PRSS50: variants seen among roughly 807,000 people sequenced by gnomAD.
PRSS50 encodes the protein probable threonine protease PRSS50.
In PRSS50, 23 loss-of-function variants were observed where a neutral mutation model predicts 34.2. The ratio of observed to expected loss-of-function variants is 0.67; its 90% CI spans 0.48 to 0.95. The LOEUF (loss-of-function observed/expected upper bound fraction) is 0.95. Ranked by LOEUF, PRSS50 falls within the 40% of genes least tolerant of loss-of-function variation. The probability of loss-of-function intolerance (pLI) is 0.00; values close to 1 mark genes in which losing one functional copy is unlikely to be tolerated. For missense variants in PRSS50, 484 were observed against 513.4 expected, an observed-to-expected ratio of 0.94 and a Z score of 0.55; for synonymous variants, 224 against 211.2, an observed-to-expected ratio of 1.06 and a Z score of -0.53.
At position 46,712,391 on chromosome 3, in the gene PRSS50, T is replaced by C; in HGVS notation, c.1013A>G (p.Glu338Gly). The change falls in exon 6 of 6, where the codon GAG becomes GGG. Residue 338 changes from glutamate to glycine, a missense_variant. Glu to Gly is a moderately conservative substitution (Grantham distance 98). Transcript: ENST00000315170. ...GACCTGTAGGTAGATGGGTGGGGCC[T>C]CGCTCTTCTGGCAGCCTGCACCCCA... ...VSWGAGCQKS[E>G]APPIYLQVSS... The C allele has an allele frequency of 1.9e-6, 3 of 1,613,956 alleles. No homozygotes were observed. The highest frequency in any genetic ancestry group is 2.5e-6 in the Non-Finnish European group (3 of 1,179,956).
At position 46,717,706 on chromosome 3, in the gene PRSS50, G is replaced by T; in HGVS notation, c.106+13C>A. The T allele has an allele frequency of 6.3e-7, 1 of 1,597,746 alleles. No homozygotes were observed. The highest frequency in any genetic ancestry group is 2.3e-5 in the East Asian group (1 of 43,968). On this transcript the variant is annotated intron_variant, in intron 1 of 5. Transcript: ENST00000315170. The surrounding 1 kb of genome is among the most constrained non-coding windows in gnomAD (Gnocchi z 4.5). ...GCGTCAGGCGGGTGGGGTAGGGATC[G>T]GGAGGGACTCACCTGCAGACCTCAG...
In PRSS50 at chr3:46,713,227, C is replaced by G. The variant is rs1176836005; in HGVS notation, c.755-160G>C. Among the ~76,000 whole-genome samples, 4 of 152,222 alleles carry G rather than the reference C, an allele frequency of 2.6e-5. No homozygotes were observed. In the East Asian group the frequency reaches 5.8e-4, roughly 22 times the overall value. On this transcript the variant is annotated intron_variant, in intron 4 of 5. Coordinates refer to ENST00000315170, the MANE Select transcript of PRSS50 (RefSeq NM_013270.5). The stretch of plus-strand genomic sequence containing the variant: ...CCATACCCATCTAGGGCCCTCAACA[C>G]AGAGCCCCCGGAGCAGAGTACCCCC...
intron 4 of PRSS50, 27 bp from the exon 5 acceptor site, chr3:46,713,094 C>T: frequency 6.2e-7 from 1 of 1,610,720 alleles, no homozygotes; most frequent in Middle Eastern, 1.7e-4. Flanking sequence ...CATTTAGGCG[C>T]AGCCACTCAC....
chr3:46,713,325 C>T (rs1700642690), intron 4 of PRSS50, among the ~76,000 whole-genome samples: 1 of 152,246 alleles, frequency 6.6e-6, no homozygotes, highest in African/African-American at 2.4e-5. Context: ...ACCACCTCCA[C>T]CACACTCGGC....
chr3:46,715,863 C>T lies in PRSS50; in HGVS notation c.308-166G>A, dbSNP rs1559498978. Among the ~76,000 whole-genome samples, 2 of 152,180 alleles carry T rather than the reference C, an allele frequency of 1.3e-5. No homozygotes were observed. Among genetic ancestry groups the T allele is most frequent in the South Asian group, 2.1e-4 (1 of 4,828 alleles). On this transcript the variant is annotated intron_variant, in intron 2 of 5. Transcript: ENST00000315170. The surrounding 1 kb of genome is among the most constrained non-coding windows in gnomAD (Gnocchi z 5.2). ...GCTGTCCACATGTGGACTGGAGTCTCATGCCTCAGAAGGGTCCAAGCACTG... is the reference window on the plus strand; with the variant it reads ...GCTGTCCACATGTGGACTGGAGTCTTATGCCTCAGAAGGGTCCAAGCACTG...
At chr3:46,714,618 C>T (rs1468164849) in intron 3 of PRSS50, 117 bp from the exon 4 acceptor site, 8 of 1,175,298 alleles carry the variant, frequency 6.8e-6, no homozygotes, top group African/African-American at 3.1e-5. Context: ...GCCACCCACC[C>T]GCTTCAAGCC....
chr3:46,715,657 G>A lies in PRSS50; in HGVS notation c.348C>T (p.Asp116=). ...FSYEQDPTLR[D]PEAVARRWPW... is the part of the protein sequence containing the mutation. ...GCCACCGCCGAGCCACGGCTTCTGG[G>A]TCCCTGAGGGTGGGGTCCTGCTCGT... is the stretch of plus-strand genomic sequence containing the variant. The change falls in exon 3 of 6, where the codon GAC becomes GAT. Residue 116 remains aspartate, a synonymous_variant. Coordinates refer to ENST00000315170, the MANE Select transcript of PRSS50 (RefSeq NM_013270.5). The surrounding 1 kb of genome is among the most constrained non-coding windows in gnomAD (Gnocchi z 5.2). 1 of 1,610,768 alleles carries A rather than the reference G, an allele frequency of 6.2e-7. No individual in the cohort carries two copies.
In PRSS50 at chr3:46,715,249, C is replaced by A. The variant is rs1700664328; in HGVS notation, c.470+286G>T. On this transcript the variant is annotated intron_variant, in intron 3 of 5. Coordinates refer to ENST00000315170, the MANE Select transcript of PRSS50 (RefSeq NM_013270.5). This position sits in a 1 kb window ranked among gnomAD's most constrained non-coding sequence, Gnocchi z 5.2. The stretch of plus-strand genomic sequence containing the variant: ...GAAATGAAAGAACTAGGAGCTTCTT[C>A]CCGTGGAGAGGAGGCATGAGGCCAG... Among the ~76,000 whole-genome samples, 1 of 152,226 alleles carries A rather than the reference C, an allele frequency of 6.6e-6. No homozygotes were observed. Among genetic ancestry groups the A allele is most frequent in the South Asian group, 2.1e-4 (1 of 4,830 alleles).
In PRSS50 at chr3:46,714,349, C is replaced by T. The variant is rs1700653828; in HGVS notation, c.623G>A (p.Gly208Asp). 1 of 1,613,928 alleles carries T rather than the reference C, an allele frequency of 6.2e-7. No individual in the cohort carries two copies. The highest frequency in any genetic ancestry group is 1.3e-5 in the African/African-American group (1 of 74,892). ...WSWVGQANDIGLLKLKQELKY... is the reference protein window; with the variant it reads ...WSWVGQANDIDLLKLKQELKY... ...GAGTTCCTGCTTGAGCTTGAGGAGG[C>T]CGATGTCGTTGGCCTGGCCCACCCA... The change falls in exon 4 of 6, where the codon GGC (glycine) becomes GAC (aspartate). Residue 208 changes from glycine to aspartate, a missense_variant. Transcript: ENST00000315170.
In PRSS50 at chr3:46,714,379, C is replaced by G. The variant is rs1239635146; in HGVS notation, c.593G>C (p.Trp198Ser). ...MHSRYRAQRFWSWVGQANDIG... is the reference protein window; with the variant it reads ...MHSRYRAQRFSSWVGQANDIG... ...GTCGTTGGCCTGGCCCACCCAGGAC[C>G]AGAACCGCTGGGCCCGGTACCTGCT... The change falls in exon 4 of 6, where the codon TGG becomes TCG. Residue 198 changes from tryptophan (W) to serine (S), a missense_variant. By Grantham distance (177) the Trp-to-Ser change is radical (BLOSUM62 -3). Transcript: ENST00000315170. The G allele has an allele frequency of 6.2e-7, 1 of 1,613,896 alleles. No homozygotes were observed. The highest frequency in any genetic ancestry group is 8.5e-7 in the Non-Finnish European group (1 of 1,179,956).
chr3:46,713,933 C>T (rs960628495), intron 4 of PRSS50, among the ~76,000 whole-genome samples: 1 of 152,258 alleles, frequency 6.6e-6, no homozygotes, highest in Non-Finnish European at 1.5e-5. Flanking sequence ...TGAGGTATTA[C>T]TCTGTGCCTC....
Position 46,717,520 on chromosome 3 carries a change from T to G in PRSS50, c.224A>C (p.Gln75Pro), listed in dbSNP as rs34788938. ...GGGCAGTGTCTGGGTGGTCGGGGTCTGCCAGAGAAGGCGAGGCCGGCTGGA... is the reference window on the plus strand; with the variant it reads ...GGGCAGTGTCTGGGTGGTCGGGGTCGGCCAGAGAAGGCGAGGCCGGCTGGA... ...CPSSRPRLLW[Q>P]TPTTQTLPST... Residue 75 changes from glutamine (Q) to proline (P), a missense_variant, in exon 2 of 6, where the codon CAG becomes CCG. By Grantham distance (76) the Gln-to-Pro change is moderately conservative. Transcript: ENST00000315170. This position sits in a 1 kb window ranked among gnomAD's most constrained non-coding sequence, Gnocchi z 4.5. 195,751 of 1,613,514 alleles carry G rather than the reference T, an allele frequency of 0.12. 20,486 individuals are homozygous for G. The highest frequency in any genetic ancestry group is 0.51 in the African/African-American group (38,501 of 74,874).
At chr3:46,712,606 G>A in intron 5 of PRSS50, 124 bp from the exon 6 acceptor site, 3 of 933,118 alleles carry the variant, frequency 3.2e-6, no homozygotes, top group Admixed American at 4.5e-5. Context: ...CAACATAGGT[G>A]AGAAGTGCTC....
In PRSS50 at chr3:46,712,214, G is replaced by T; in HGVS notation, c.*32C>A. The T allele has an allele frequency of 6.4e-7, 1 of 1,566,484 alleles. No individual in the cohort carries two copies. Among genetic ancestry groups the T allele is most frequent in the East Asian group, 2.3e-5 (1 of 43,900 alleles). ...ACAGCAACCTGGGCACGGAGGCAAG[G>T]GGGGCCCACAAGTGAGGGAGGGCAC... is the stretch of plus-strand genomic sequence containing the variant. On this transcript the variant is annotated 3_prime_UTR_variant, in exon 6 of 6. Transcript: ENST00000315170.
In PRSS50 at chr3:46,712,261, G is replaced by C. The variant is rs780101978; in HGVS notation, c.1143C>G (p.Leu381=). 6.2e-7 allele frequency: 1 copy of C among 1,609,690 alleles called. No homozygotes were observed. Among genetic ancestry groups the C allele is most frequent in the South Asian group, 1.1e-5 (1 of 90,226 alleles). The part of the protein sequence containing the change: ...LLLALPLPLS[L]LAAL Reference sequence around the variant, plus strand: ...GCACACAGAGTCAGAGGGCAGCAAGGAGGCTGAGGGGCAGTGGGAGTGCCA... The same window carrying C: ...GCACACAGAGTCAGAGGGCAGCAAGCAGGCTGAGGGGCAGTGGGAGTGCCA... Residue 381 remains leucine, a synonymous_variant, in exon 6 of 6, where the codon CTC becomes CTG. Coordinates refer to ENST00000315170, the MANE Select transcript of PRSS50 (RefSeq NM_013270.5).
chr3:46,714,113 C>G, intron 4 of PRSS50, 105 bp downstream of exon 4: 1 of 1,435,974 alleles, frequency 7.0e-7, no homozygotes, highest in Non-Finnish European at 9.4e-7. Flanking sequence ...GCGGCAGGCT[C>G]CCTGGGGAAG....
In PRSS50 at chr3:46,717,795, G is replaced by C. The variant is rs374658809; in HGVS notation, c.30C>G (p.Arg10=). The change falls in exon 1 of 6, where the codon CGC becomes CGG. Residue 10 remains arginine, a synonymous_variant. Coordinates refer to ENST00000315170, the MANE Select transcript of PRSS50 (RefSeq NM_013270.5). This position sits in a 1 kb window ranked among gnomAD's most constrained non-coding sequence, Gnocchi z 4.5. ...GGGCAGACGTCCGGGGGCGCTGCCC[G>C]CGCGCGACGGTCTGGCACCAGCGAC... MGRWCQTVA[R]GQRPRTSAPS... The C allele has an allele frequency of 6.5e-7, 1 of 1,545,990 alleles. No homozygotes were observed. The highest frequency in any genetic ancestry group is 1.4e-5 in the African/African-American group (1 of 73,020).
intron 5 of PRSS50, 38 bp downstream of exon 5, chr3:46,712,863 T>A: frequency 6.3e-7 from 1 of 1,575,464 alleles, no homozygotes; most frequent in Non-Finnish European, 8.7e-7. Context: ...CTCCCCCAGG[T>A]GCCCCTGAAG....
chr3:46,713,085 A>T lies in PRSS50; in HGVS notation c.755-18T>A. The T allele has an allele frequency of 6.2e-7, 1 of 1,612,400 alleles. No individual in the cohort carries two copies. The highest frequency in any genetic ancestry group is 8.5e-7 in the Non-Finnish European group (1 of 1,178,952). On this transcript the variant is annotated intron_variant, in intron 4 of 5. Coordinates refer to ENST00000315170, the MANE Select transcript of PRSS50 (RefSeq NM_013270.5). ...CCACATGCCTGTGGGACAGGGCCCCATTTAGGCGCAGCCACTCACCGCTGC... is the reference window on the plus strand; with the variant it reads ...CCACATGCCTGTGGGACAGGGCCCCTTTTAGGCGCAGCCACTCACCGCTGC...
Sources: gnomAD v4.1 joint callset for allele counts (sites outside exome capture counted in the v4.1 genomes callset) on GRCh38, gnomAD v4.1.1 for gene constraint, Gnocchi (gnomAD v3.1) non-coding constraint, MANE v1.5 for transcripts, NCBI Gene and HGNC (gene_info 2026-07-23, HGNC 2026-07-21) for gene names.